The following C1orf94 variants were observed in gnomAD, a reference collection of about 807,000 sequenced individuals.
C1orf94 encodes uncharacterized protein C1orf94.
Under a neutral mutation model 53.6 loss-of-function variants are expected in C1orf94, and 45 were observed. The observed-to-expected ratio is 0.84, with a 90% CI of 0.66 to 1.08. C1orf94 has a LOEUF of 1.08. Ranked by LOEUF, C1orf94 falls within the 50% of genes least tolerant of loss-of-function variation. The pLI is 0.00. For synonymous variants in C1orf94, 304 were observed against 296.1 expected, an observed-to-expected ratio of 1.03 and a Z score of -0.27; for missense variants, 762 against 738.9, an observed-to-expected ratio of 1.03 and a Z score of -0.36.
chr1:34,215,670 G>C (rs1396586631), intron 6 of C1orf94, among the ~76,000 whole-genome samples: 4 of 152,158 alleles, frequency 2.6e-5, no homozygotes, highest in African/African-American at 9.7e-5. Context: ...AAATTCCTTG[G>C]TTTTTGACTT....
At chr1:34,204,869 A>T (rs1642767607) in intron 4 of C1orf94, among the ~76,000 whole-genome samples, 1 of 152,078 alleles carries the variant, frequency 6.6e-6, no homozygotes, top group Non-Finnish European at 1.5e-5. Context: ...GTCTCTAAAA[A>T]AAAAAAATGA....
intron 1 of C1orf94, among the ~76,000 whole-genome samples, chr1:34,183,114 C>T (rs1642335197): frequency 6.6e-6 from 1 of 152,188 alleles, no homozygotes; most frequent in Admixed American, 6.5e-5. Context: ...GCTTGAGCCC[C>T]TGGTTGGACG....
intron 6 of C1orf94, among the ~76,000 whole-genome samples, chr1:34,215,402 T>C (rs1156439487): frequency 6.6e-6 from 1 of 152,212 alleles, no homozygotes; most frequent in Non-Finnish European, 1.5e-5. Context: ...TTTAAATTGA[T>C]GAGGACATGT....
chr1:34,183,876 T>C (rs1642346752), intron 1 of C1orf94, among the ~76,000 whole-genome samples: 1 of 151,290 alleles, frequency 6.6e-6, no homozygotes, highest in Admixed American at 6.6e-5. Context: ...AAAAAATTAG[T>C]ATGCACCTAT....
Position 34,215,525 on chromosome 1 carries a change from T to A in C1orf94, c.1721+3119T>A, listed in dbSNP as rs180726035. 5.3e-4 allele frequency among the ~76,000 whole-genome samples: 80 copies of A among 151,890 alleles called. 2 individuals are homozygous for A. In the Middle Eastern group the frequency reaches 0.031, roughly 58 times the overall value. ...GAGCTTTATAGTTGAGCAAGAGGCA[T>A]TGGTGGGATGGATAAAGGCAGTGAC... On this transcript the variant is annotated intron_variant, in intron 6 of 6. Coordinates refer to ENST00000488417, the MANE Select transcript of C1orf94 (RefSeq NM_001134734.2).
chr1:34,194,003 G>A (rs1406957387), intron 1 of C1orf94, among the ~76,000 whole-genome samples: 1 of 152,144 alleles, frequency 6.6e-6, no homozygotes, highest in African/African-American at 2.4e-5. Flanking sequence ...CCCACCGTGA[G>A]TTCAGAATGG....
Position 34,200,899 on chromosome 1 carries a change from G to C in C1orf94, c.1137G>C (p.Leu379=). ...GTGACGCAGTGGGCACCGCATCACT[G>C]ACCCTGCCGCCCAAGAAACCTACAT... The part of the protein sequence containing the change: ...GCCDAVGTAS[L]TLPPKKPTCP... The change falls in exon 3 of 7, where the codon CTG becomes CTC. Residue 379 remains leucine, a synonymous_variant. Transcript: ENST00000488417. 6.2e-7 allele frequency: 1 copy of C among 1,614,150 alleles called. No homozygotes were observed. Among genetic ancestry groups the C allele is most frequent in the Non-Finnish European group, 8.5e-7 (1 of 1,180,024 alleles).
rs1425175252 is a variant in C1orf94 at position 34,198,014 on chromosome 1, A to G, written c.1009+101A>G. Reference sequence around the variant, plus strand: ...GCATGTACATAAAGCATCTTCATGCAAAGCAAGACAAAGCAGCCTCTCTGG... The same window carrying G: ...GCATGTACATAAAGCATCTTCATGCGAAGCAAGACAAAGCAGCCTCTCTGG... On this transcript the variant is annotated intron_variant, in intron 2 of 6. Transcript: ENST00000488417. 14 of 1,184,406 alleles carry G rather than the reference A, an allele frequency of 1.2e-5. No homozygotes were observed. In the Admixed American group the frequency reaches 3.9e-4, roughly 33 times the overall value. 73.4% of individuals were successfully genotyped at this position (1,184,406 alleles called of 1,614,324 possible). A position where few individuals can be genotyped will look rare whatever the true frequency, so the allele number is the denominator to read the frequency against.
At chr1:34,194,443 G>A (rs894091368) in intron 1 of C1orf94, among the ~76,000 whole-genome samples, 1 of 152,128 alleles carries the variant, frequency 6.6e-6, no homozygotes, top group Non-Finnish European at 1.5e-5. Context: ...GGACCATCAT[G>A]GGGTGATTTT....
intron 1 of C1orf94, among the ~76,000 whole-genome samples, chr1:34,185,272 C>T (rs1642368580): frequency 6.6e-6 from 1 of 152,120 alleles, no homozygotes; most frequent in African/African-American, 2.4e-5. Context: ...CTCCACCTCC[C>T]GGGTTCAAGC....
chr1:34,182,934 A>C (rs1642332430), intron 1 of C1orf94, among the ~76,000 whole-genome samples: 1 of 152,226 alleles, frequency 6.6e-6, no homozygotes, highest in Non-Finnish European at 1.5e-5. Context: ...GACCCCTCCA[A>C]GAGGAGAAAA....
intron 3 of C1orf94, 101 bp from the exon 4 acceptor site, chr1:34,201,983 C>T: frequency 8.3e-7 from 1 of 1,206,358 alleles, no homozygotes; most frequent in Non-Finnish European, 1.2e-6. Flanking sequence ...AGGACCTGAC[C>T]TGTGAGACTG....
At chr1:34,175,257 G>A (rs946922125), upstream of C1orf94, among the ~76,000 whole-genome samples, 14 of 151,544 alleles carry the variant, frequency 9.2e-5, no homozygotes, top group Non-Finnish European at 1.5e-4. Flanking sequence ...CCTGCTGAGG[G>A]GGAGAGGGAA....
chr1:34,181,191 G>A (rs568975047), intron 1 of C1orf94, among the ~76,000 whole-genome samples: 19 of 152,326 alleles, frequency 1.2e-4, no homozygotes, highest in African/African-American at 4.1e-4. Flanking sequence ...GTGAAAGACA[G>A]CAAGACAGCA....
At position 34,204,545 on chromosome 1, in the gene C1orf94, T is replaced by C. The variant is rs1208244809; in HGVS notation, c.1446+2286T>C. Among the ~76,000 whole-genome samples the C allele has an allele frequency of 2.0e-5, 3 of 152,228 alleles. No homozygotes were observed. The East Asian group carries it at 5.8e-4, about 29-fold the overall frequency. Reference sequence around the variant, plus strand: ...GGTCTTGAAATGTCCTGTTCATTGATTCGCTGACTCCTTTACCAATATGAT... The same window carrying C: ...GGTCTTGAAATGTCCTGTTCATTGACTCGCTGACTCCTTTACCAATATGAT... On this transcript the variant is annotated intron_variant, in intron 4 of 6. Coordinates refer to ENST00000488417, the MANE Select transcript of C1orf94 (RefSeq NM_001134734.2).
At chr1:34,182,262 C>T (rs765925154) in intron 1 of C1orf94, among the ~76,000 whole-genome samples, 2 of 152,006 alleles carry the variant, frequency 1.3e-5, no homozygotes, top group African/African-American at 2.4e-5. Flanking sequence ...AGAGGGACAG[C>T]GAGACGGGAG....
chr1:34,199,879 C>T (rs1642670017), intron 2 of C1orf94, among the ~76,000 whole-genome samples: 1 of 152,220 alleles, frequency 6.6e-6, no homozygotes, highest in African/African-American at 2.4e-5. Context: ...GCCTTCCTCC[C>T]CAATACCCCT....
intron 1 of C1orf94, among the ~76,000 whole-genome samples, chr1:34,170,038 A>G (rs1274990836): frequency 6.6e-6 from 1 of 152,366 alleles, no homozygotes; most frequent in East Asian, 1.9e-4. Flanking sequence ...ATTTGTGTAT[A>G]AGGAAAAAGA....
intron 5 of C1orf94, among the ~76,000 whole-genome samples, chr1:34,209,131 A>G (rs1315166188): frequency 6.6e-6 from 1 of 152,186 alleles, no homozygotes; most frequent in Non-Finnish European, 1.5e-5. Flanking sequence ...TGGCAACACT[A>G]CTTTCATGGG....
Sources: gnomAD v4.1 joint callset for allele counts (sites outside exome capture counted in the v4.1 genomes callset) on GRCh38, gnomAD v4.1.1 for gene constraint, MANE v1.5 for transcripts, NCBI Gene and HGNC (gene_info 2026-07-23, HGNC 2026-07-21) for gene names.